Variants in CNTNAP2 observed in about 807,000 individuals in gnomAD.
CNTNAP2 encodes the protein contactin-associated protein-like 2.
Under a neutral mutation model 155.2 loss-of-function variants are expected in CNTNAP2, and 98 were observed. That is an observed-to-expected ratio of 0.63 (90% CI 0.54 to 0.75). The LOEUF (loss-of-function observed/expected upper bound fraction) is 0.75, where lower values mean the gene tolerates loss of function less well. Ranked by LOEUF, CNTNAP2 falls within the 30% of genes least tolerant of loss-of-function variation. The pLI, the probability that CNTNAP2 is intolerant of heterozygous loss-of-function variation, is 0.00. For missense variants in CNTNAP2, 1,727 were observed against 1,688.1 expected, an observed-to-expected ratio of 1.02 and a Z score of -0.40; for synonymous variants, 651 against 631.2, an observed-to-expected ratio of 1.03 and a Z score of -0.47.
intron 1 of CNTNAP2, among the ~76,000 whole-genome samples, chr7:146,303,917 T>A (rs1800659890): frequency 6.6e-6 from 1 of 152,056 alleles, no homozygotes; most frequent in African/African-American, 2.4e-5. Context: ...TCTTTGTAGG[T>A]CTCTAAGGAC....
intron 14 of CNTNAP2, among the ~76,000 whole-genome samples, chr7:147,931,489 G>A (rs1035723444): frequency 6.6e-6 from 1 of 152,074 alleles, no homozygotes; most frequent in Non-Finnish European, 1.5e-5. Flanking sequence ...AATATTACAA[G>A]AAAAGAATAC....
chr7:148,077,306 C>CA (rs57228380), intron 15 of CNTNAP2, among the ~76,000 whole-genome samples: 16,859 of 139,504 alleles, frequency 0.12, 1,401 homozygotes, highest in African/African-American at 0.24. Flanking sequence ...GACTTCATCT[C>CA]AAAAAAAAAA....
At chr7:147,151,294 G>A (rs932484395) in intron 8 of CNTNAP2, among the ~76,000 whole-genome samples, 4 of 152,080 alleles carry the variant, frequency 2.6e-5, no homozygotes, top group African/African-American at 7.2e-5. Flanking sequence ...AAAATGTTAA[G>A]TAAACCCAAC....
At chr7:148,164,163 G>A (rs2116678720) in intron 17 of CNTNAP2, among the ~76,000 whole-genome samples, 2 of 152,286 alleles carry the variant, frequency 1.3e-5, no homozygotes, top group South Asian at 4.2e-4. Context: ...TCGAACTCCT[G>A]ACCTCAGTGA....
chr7:146,372,420 T>G (rs1795249000), intron 1 of CNTNAP2, among the ~76,000 whole-genome samples: 1 of 152,204 alleles, frequency 6.6e-6, no homozygotes, highest in African/African-American at 2.4e-5. Flanking sequence ...TTGAACCATT[T>G]CATACAAAAT....
At chr7:146,965,038 C>A (rs1345361121) in intron 3 of CNTNAP2, among the ~76,000 whole-genome samples, 1 of 152,094 alleles carries the variant, frequency 6.6e-6, no homozygotes, top group African/African-American at 2.4e-5. Flanking sequence ...ATCAAAGAAG[C>A]TTATGCATAA....
Position 148,217,395 on chromosome 7 carries a change from C to A in CNTNAP2, c.3118C>A (p.Gln1040Lys), listed in dbSNP as rs1390085436. Residue 1040 changes from glutamine to lysine, a missense_variant, in exon 19 of 24, where the codon CAG becomes AAG. Transcript: ENST00000361727. ...SSRVDNAPDQ[Q>K]NSHPDLAQEE... is the part of the protein sequence containing the mutation. ...CAGAGTAGACAACGCTCCCGACCAG[C>A]AGAACTCCCACCCGGACCTGGCACA... 1.2e-6 allele frequency: 2 copies of A among 1,614,052 alleles called. No individual in the cohort carries two copies. Among genetic ancestry groups the A allele is most frequent in the Admixed American group, 3.3e-5 (2 of 60,008 alleles).
intron 1 of CNTNAP2, among the ~76,000 whole-genome samples, chr7:146,150,446 A>G (rs1436967424): frequency 1.3e-5 from 2 of 152,162 alleles, no homozygotes; most frequent in African/African-American, 4.8e-5. Flanking sequence ...GGACTTGTAA[A>G]AATATGTTTT....
chr7:147,302,447 A>C (rs1483711048), intron 9 of CNTNAP2, among the ~76,000 whole-genome samples: 3 of 152,150 alleles, frequency 2.0e-5, no homozygotes, highest in Non-Finnish European at 4.4e-5. Context: ...GAGTCAGGAG[A>C]ATATTGATTT....
At chr7:147,616,625 C>T (rs115828539) in intron 12 of CNTNAP2, among the ~76,000 whole-genome samples, 1,610 of 152,242 alleles carry the variant, frequency 0.011, 30 homozygotes, top group African/African-American at 0.036. Flanking sequence ...ATTAGGATCT[C>T]CCTTACCAAT....
At chr7:147,477,024 A>T (rs1271618570) in intron 10 of CNTNAP2, among the ~76,000 whole-genome samples, 1 of 151,968 alleles carries the variant, frequency 6.6e-6, no homozygotes, top group Non-Finnish European at 1.5e-5. Context: ...TACTTAAAAC[A>T]AGTATGTTAC....
chr7:146,194,910 G>T (rs548409223), intron 1 of CNTNAP2, among the ~76,000 whole-genome samples: 1 of 152,032 alleles, frequency 6.6e-6, no homozygotes, highest in South Asian at 2.1e-4. Context: ...ATACACTGCT[G>T]GTCACTTCTC....
At chr7:148,230,499 C>T (rs772522994) in intron 20 of CNTNAP2, among the ~76,000 whole-genome samples, 1 of 152,116 alleles carries the variant, frequency 6.6e-6, no homozygotes, top group Non-Finnish European at 1.5e-5. Context: ...AAAATAGATG[C>T]CTGTCAGGAG....
At chr7:146,273,615 G>A (rs1189454836) in intron 1 of CNTNAP2, among the ~76,000 whole-genome samples, 2 of 152,252 alleles carry the variant, frequency 1.3e-5, no homozygotes, top group South Asian at 2.1e-4. Context: ...ACTTGACACT[G>A]GTAAGCTAAA....
chr7:147,822,975 T>G (rs769507190), intron 13 of CNTNAP2, among the ~76,000 whole-genome samples: 2 of 152,246 alleles, frequency 1.3e-5, no homozygotes. Flanking sequence ...AAACCTTGTC[T>G]TCTACAGTAG....
intron 1 of CNTNAP2, among the ~76,000 whole-genome samples, chr7:146,236,378 A>G (rs1014985810): frequency 6.9e-6 from 1 of 145,616 alleles, no homozygotes; most frequent in Non-Finnish European, 1.5e-5. Flanking sequence ...CTTGTACTTT[A>G]GAAGTAAATA....
chr7:147,923,710 T>A lies in CNTNAP2; in HGVS notation c.2255+19989T>A, dbSNP rs572888292. On this transcript the variant is annotated intron_variant, in intron 14 of 23. Transcript: ENST00000361727. Reference sequence around the variant, plus strand: ...AAAAAAAAAAAAAATTTCTAGAGATTTTCCTTTGTAGGAATTTTCTGTGTT... The same window carrying A: ...AAAAAAAAAAAAAATTTCTAGAGATATTCCTTTGTAGGAATTTTCTGTGTT... 1.4e-3 allele frequency among the ~76,000 whole-genome samples: 219 copies of A among 152,204 alleles called. 1 individual carries two copies. The highest frequency in any genetic ancestry group is 2.2e-3 in the Non-Finnish European group (152 of 67,996).
chr7:147,882,191 A>C (rs148010993), intron 13 of CNTNAP2, among the ~76,000 whole-genome samples: 1 of 152,302 alleles, frequency 6.6e-6, no homozygotes, highest in African/African-American at 2.4e-5. Flanking sequence ...AGAAACAGAG[A>C]TCATCAAAGT....
intron 9 of CNTNAP2, among the ~76,000 whole-genome samples, chr7:147,336,207 T>C: frequency 6.6e-6 from 1 of 152,278 alleles, no homozygotes; most frequent in East Asian, 1.9e-4. Context: ...ATTATGATAA[T>C]TTTATTAGAG....
Sources: allele counts gnomAD v4.1 joint callset (sites outside exome capture counted in the v4.1 genomes callset), GRCh38; gene constraint gnomAD v4.1.1; transcripts MANE v1.5; gene names NCBI Gene and HGNC (gene_info 2026-07-23, HGNC 2026-07-21).